COL21A1: variants seen among roughly 807,000 people sequenced by gnomAD.
COL21A1 encodes the protein collagen alpha-1(XXI) chain.
COL21A1 carries 149 observed loss-of-function variants against 137.9 expected under a neutral mutation model. The ratio of observed to expected loss-of-function variants is 1.08; its 90% CI spans 0.95 to 1.24. COL21A1 has a LOEUF of 1.24. Ranked by LOEUF, COL21A1 falls within the 50% of genes most tolerant of loss-of-function variation. The pLI, the probability that COL21A1 is intolerant of heterozygous loss-of-function variation, is 0.00. For missense variants in COL21A1, 1,167 were observed against 1,158.4 expected (o/e 1.01, Z -0.11); for synonymous variants, 456 against 391.5 (o/e 1.16, Z -1.95).
chr6:56,176,356 A>G (rs2152277444), intron 3 of COL21A1, among the ~76,000 whole-genome samples: 1 of 152,106 alleles, frequency 6.6e-6, no homozygotes, highest in South Asian at 2.1e-4. Flanking sequence ...GGGATAAAAT[A>G]TTTGCAAACC....
chr6:56,298,463 A>G (rs1270942035), intron 1 of COL21A1, among the ~76,000 whole-genome samples: 1 of 152,016 alleles, frequency 6.6e-6, no homozygotes, highest in African/African-American at 2.4e-5. Context: ...GGGAATCAGA[A>G]GCAGTTGAGT....
intron 17 of COL21A1, among the ~76,000 whole-genome samples, chr6:56,079,940 A>G (rs1347031809): frequency 2.6e-5 from 4 of 151,670 alleles, no homozygotes; most frequent in Non-Finnish European, 4.4e-5. Flanking sequence ...AACTAATATA[A>G]TACCACAAGC....
At chr6:56,302,250 G>T (rs922327135) in intron 1 of COL21A1, among the ~76,000 whole-genome samples, 1 of 151,932 alleles carries the variant, frequency 6.6e-6, no homozygotes, top group Non-Finnish European at 1.5e-5. Flanking sequence ...ACCCAGTAAT[G>T]GGATGGCTGG....
At chr6:56,159,634 C>CTTTTT (rs11449474) in intron 9 of COL21A1, among the ~76,000 whole-genome samples, 5 of 123,540 alleles carry the variant, frequency 4.0e-5, no homozygotes, top group Admixed American at 8.3e-5. Flanking sequence ...CCTGGCCTTA[C>CTTTTT]TTTTTTTTTT....
At position 56,128,108 on chromosome 6, in the gene COL21A1, G is replaced by T. The variant is rs529930901; in HGVS notation, c.1543-1959C>A. Among the ~76,000 whole-genome samples, 7 of 152,258 alleles carry T rather than the reference G, an allele frequency of 4.6e-5. No individual in the cohort carries two copies. In the South Asian group the frequency reaches 1.2e-3, roughly 27 times the overall value. ...AAAGGGGACGGCAAACCCTGGAAAT[G>T]GGATTGGGGTAGATTGTTCAGGGAC... On this transcript the variant is annotated intron_variant, in intron 12 of 29. Coordinates refer to ENST00000244728, the MANE Select transcript of COL21A1 (RefSeq NM_030820.4).
At chr6:56,090,735 TA>T (rs1323644595) in intron 17 of COL21A1, among the ~76,000 whole-genome samples, 2 of 152,018 alleles carry the variant, frequency 1.3e-5, no homozygotes, top group African/African-American at 2.4e-5. Context: ...ATTATATACA[TA>T]ATTACATTAT....
chr6:56,177,893 A>G (rs891483936), intron 3 of COL21A1, among the ~76,000 whole-genome samples: 1 of 152,116 alleles, frequency 6.6e-6, no homozygotes, highest in Non-Finnish European at 1.5e-5. Context: ...TGTGCAACAG[A>G]TATGTGAACT....
At chr6:56,108,164 C>G (rs193067047) in intron 16 of COL21A1, among the ~76,000 whole-genome samples, 4 of 151,808 alleles carry the variant, frequency 2.6e-5, no homozygotes, top group Non-Finnish European at 5.9e-5. Flanking sequence ...TAGGAAAAGT[C>G]AACAAAAACA....
In COL21A1 at chr6:56,377,162, TG is replaced by T. The variant is rs1414085752; in HGVS notation, c.-39+16808del. On this transcript the variant is annotated intron_variant, in intron 1 of 28. Coordinates refer to the COL21A1 transcript ENST00000370819. Reference sequence around the variant, plus strand: ...CCAGCTAATTTATTTATTTATTTTTTGTATTTTTAGTAGAGACGGGGTTTCA... The same window carrying T: ...CCAGCTAATTTATTTATTTATTTTTTTATTTTTAGTAGAGACGGGGTTTCA... 2.0e-5 allele frequency among the ~76,000 whole-genome samples: 3 copies of T among 152,026 alleles called. No individual in the cohort carries two copies. In the South Asian group the frequency reaches 6.2e-4, roughly 32 times the overall value.
intron 1 of COL21A1, among the ~76,000 whole-genome samples, chr6:56,260,224 C>A (rs1026499205): frequency 3.9e-5 from 6 of 152,100 alleles, no homozygotes; most frequent in African/African-American, 1.4e-4. Context: ...GGACTTAACT[C>A]ACAAGAAAGG....
intron 12 of COL21A1, among the ~76,000 whole-genome samples, chr6:56,130,591 T>C (rs1010225636): frequency 1.3e-5 from 2 of 152,148 alleles, no homozygotes; most frequent in African/African-American, 4.8e-5. Flanking sequence ...AACTTTCTTT[T>C]ATTGGAGATG....
chr6:56,125,754 T>G, intron 13 of COL21A1, 134 bp from the exon 14 acceptor site: 1 of 627,882 alleles, frequency 1.6e-6, no homozygotes, highest in Non-Finnish European at 2.5e-6. Flanking sequence ...TAATTTAAAG[T>G]TTGCTTTAAA....
intron 1 of COL21A1, among the ~76,000 whole-genome samples, chr6:56,257,016 A>G (rs1019950774): frequency 2.0e-5 from 3 of 152,222 alleles, no homozygotes; most frequent in Non-Finnish European, 4.4e-5. Flanking sequence ...TAATATAAAG[A>G]AAGATTTCTC....
At chr6:56,129,957 G>T (rs1015821099) in intron 12 of COL21A1, among the ~76,000 whole-genome samples, 3 of 150,642 alleles carry the variant, frequency 2.0e-5, no homozygotes, top group African/African-American at 7.3e-5. Context: ...TATTCAAAGT[G>T]TGTGTGTGTG....
chr6:56,217,344 C>T (rs1780550180), intron 1 of COL21A1, among the ~76,000 whole-genome samples: 1 of 152,046 alleles, frequency 6.6e-6, no homozygotes, highest in Non-Finnish European at 1.5e-5. Context: ...CAGATAACTA[C>T]CTGTCTGAAC....
chr6:56,363,465 CAGGTCTTTGGACTCATTT>C (rs1766022907), intron 1 of COL21A1, among the ~76,000 whole-genome samples: 1 of 152,144 alleles, frequency 6.6e-6, no homozygotes, highest in Non-Finnish European at 1.5e-5. Context: ...GACTTGAATC[CAGGTCTTTGGACTCATTT>C]AGGTGGTCCT....
At chr6:56,264,172 A>G (rs931693452) in intron 1 of COL21A1, among the ~76,000 whole-genome samples, 1 of 152,230 alleles carries the variant, frequency 6.6e-6, no homozygotes, top group Admixed American at 6.5e-5. Context: ...TTGCTGGAAT[A>G]AATGTTTATT....
At chr6:56,297,968 A>T (rs919386494) in intron 1 of COL21A1, among the ~76,000 whole-genome samples, 14 of 152,082 alleles carry the variant, frequency 9.2e-5, no homozygotes, top group African/African-American at 2.9e-4. Flanking sequence ...GGGCATCTGG[A>T]AGATGACAAA....
intron 1 of COL21A1, among the ~76,000 whole-genome samples, chr6:56,231,910 A>G (rs1484634230): frequency 6.8e-6 from 1 of 147,330 alleles, no homozygotes; most frequent in Non-Finnish European, 1.5e-5. Flanking sequence ...CTTTTAAATG[A>G]GTAACAAGCA....
Sources: gnomAD v4.1 joint callset for allele counts (sites outside exome capture counted in the v4.1 genomes callset) on GRCh38, gnomAD v4.1.1 for gene constraint, MANE v1.5 for transcripts, NCBI Gene and HGNC (gene_info 2026-07-23, HGNC 2026-07-21) for gene names.